The following CCSER1 variants were observed in gnomAD, a reference collection of about 807,000 sequenced individuals.
CCSER1 encodes the protein coiled-coil serine rich protein 1, also known as serine-rich coiled-coil domain-containing protein 1.
In CCSER1, 41 loss-of-function variants were observed where a neutral mutation model predicts 82.0. The observed-to-expected ratio is 0.50, with a 90% CI of 0.39 to 0.65. The LOEUF (loss-of-function observed/expected upper bound fraction) is 0.65, where lower values mean the gene tolerates loss of function less well. Ranked by LOEUF, CCSER1 falls within the 30% of genes least tolerant of loss-of-function variation. CCSER1 has a pLI of 0.00. For synonymous variants in CCSER1, 414 were observed against 383.9 expected (o/e 1.08, Z -0.92); for missense variants, 1,119 against 1,064.2 (o/e 1.05, Z -0.72).
At chr4:91,152,305 C>T (rs1730300212) in intron 10 of CCSER1, among the ~76,000 whole-genome samples, 1 of 151,956 alleles carries the variant, frequency 6.6e-6, no homozygotes, top group Admixed American at 6.6e-5. Context: ...ACCCCTGCTC[C>T]CCTTTGTTTT....
chr4:90,479,436 T>A (rs914971780), intron 5 of CCSER1, among the ~76,000 whole-genome samples: 9 of 152,168 alleles, frequency 5.9e-5, no homozygotes, highest in African/African-American at 1.9e-4. Flanking sequence ...TGTGCAGGTT[T>A]GTTACATATA....
intron 9 of CCSER1, among the ~76,000 whole-genome samples, chr4:90,957,525 ATATAT>A (rs1272475305): frequency 8.0e-6 from 1 of 124,402 alleles, no homozygotes; most frequent in African/African-American, 3.0e-5. Flanking sequence ...ACATAATATC[ATATAT>A]TATATATATT....
At chr4:91,515,873 T>A (rs888751027) in intron 10 of CCSER1, among the ~76,000 whole-genome samples, 2 of 151,952 alleles carry the variant, frequency 1.3e-5, no homozygotes, top group African/African-American at 4.8e-5. Flanking sequence ...CTTTTTTTTT[T>A]TTTTTTTTGA....
chr4:90,715,960 T>TA (rs1741560645), intron 6 of CCSER1, among the ~76,000 whole-genome samples: 1 of 151,726 alleles, frequency 6.6e-6, no homozygotes, highest in Admixed American at 6.6e-5. Context: ...AATATACCCA[T>TA]AAAATGTAAT....
chr4:91,551,700 C>CACACAA (rs1491222711), intron 10 of CCSER1, among the ~76,000 whole-genome samples: 1 of 139,226 alleles, frequency 7.2e-6, no homozygotes, highest in African/African-American at 2.7e-5. Context: ...CACACACACA[C>CACACAA]AATCAGTCAA....
chr4:91,404,509 T>C lies in CCSER1; in HGVS notation c.2218-194063T>C, dbSNP rs181224624. Among the ~76,000 whole-genome samples, 455 of 152,332 alleles carry C rather than the reference T, an allele frequency of 3.0e-3. 1 individual carries two copies. The highest frequency in any genetic ancestry group is 0.01 in the African/African-American group (428 of 41,588). On this transcript the variant is annotated intron_variant, in intron 10 of 10. Coordinates refer to ENST00000509176, the MANE Select transcript of CCSER1 (RefSeq NM_001145065.2). The stretch of plus-strand genomic sequence containing the variant: ...TGTTAGGGTGTCAATTTTAGATCTT[T>C]CCTGCTTCTCTTGTGGGCATTAAGT...
intron 1 of CCSER1, among the ~76,000 whole-genome samples, chr4:90,260,634 G>A (rs1467453624): frequency 6.6e-6 from 1 of 152,108 alleles, no homozygotes; most frequent in Non-Finnish European, 1.5e-5. Flanking sequence ...TTGACCTTGA[G>A]TTTATGTGAA....
rs374276878 is a variant in CCSER1, at chr4:91,226,341, T to C, written c.2217+140347T>C. Among the ~76,000 whole-genome samples, 61 of 152,068 alleles carry C rather than the reference T, an allele frequency of 4.0e-4. No individual in the cohort carries two copies. In the South Asian group the frequency reaches 8.1e-3, roughly 20 times the overall value. The stretch of plus-strand genomic sequence containing the variant: ...TTGGTGTTTATTACATTTGAATTTC[T>C]AAGATACTTATTTGTGCAACACAGC... On this transcript the variant is annotated intron_variant, in intron 10 of 10. Coordinates refer to ENST00000509176, the MANE Select transcript of CCSER1 (RefSeq NM_001145065.2).
At chr4:90,850,351 C>T (rs1272894839) in intron 8 of CCSER1, among the ~76,000 whole-genome samples, 1 of 152,204 alleles carries the variant, frequency 6.6e-6, no homozygotes, top group East Asian at 1.9e-4. Context: ...CCACCATATT[C>T]TGGATCCCAG....
intron 10 of CCSER1, among the ~76,000 whole-genome samples, chr4:91,534,704 T>TA (rs1355005717): frequency 3.3e-5 from 5 of 152,006 alleles, no homozygotes; most frequent in African/African-American, 1.2e-4. Context: ...ATTCAATTTT[T>TA]ATGTGTGATT....
intron 10 of CCSER1, among the ~76,000 whole-genome samples, chr4:91,238,346 AC>A (rs551478579): frequency 3.2e-4 from 49 of 152,074 alleles, no homozygotes; most frequent in Non-Finnish European, 7.4e-5. Flanking sequence ...AGAAATGGGG[AC>A]CTCAGTCATG....
At chr4:90,782,207 A>G (rs1753868617) in intron 7 of CCSER1, among the ~76,000 whole-genome samples, 1 of 152,204 alleles carries the variant, frequency 6.6e-6, no homozygotes, top group African/African-American at 2.4e-5. Flanking sequence ...GATGGAATAT[A>G]TTTGTGGGCA....
intron 9 of CCSER1, among the ~76,000 whole-genome samples, chr4:90,932,970 GAAAGAAAGAAAGAGAA>G (rs1730187131): frequency 1.0e-3 from 33 of 31,902 alleles, no homozygotes; most frequent in Middle Eastern, 8.5e-3. Flanking sequence ...AAGAAAGAAA[GAAAGAAAGAAAGAGAA>G]AGAAAGAAAG....
chr4:90,594,892 A>C (rs1250342833), intron 5 of CCSER1, among the ~76,000 whole-genome samples: 1 of 152,074 alleles, frequency 6.6e-6, no homozygotes, highest in African/African-American at 2.4e-5. Flanking sequence ...GGAAAGCAAC[A>C]AAAACTCTTT....
In CCSER1 at chr4:90,933,022, A is replaced by AAGAAAGAAAGAAAGAAAG. The variant is rs1730339957; in HGVS notation, c.2172+9577_2172+9594dup. ...AAAGAAAGAAAGAAAGAAAGAAAGA[A>AAGAAAGAAAGAAAGAAAG]AGAAAGAAAGAAAGAAAGAAAGAGA... On this transcript the variant is annotated intron_variant, in intron 9 of 10. Coordinates refer to ENST00000509176, the MANE Select transcript of CCSER1 (RefSeq NM_001145065.2). Among the ~76,000 whole-genome samples the AAGAAAGAAAGAAAGAAAG allele has an allele frequency of 2.1e-5, 2 of 95,518 alleles. 1 individual carries two copies. Among genetic ancestry groups the AAGAAAGAAAGAAAGAAAG allele is most frequent in the African/African-American group, 1.1e-4 (2 of 18,078 alleles). The allele number at this position is 95,518 out of a possible 152,430, so 62.7% of individuals were successfully genotyped here.
chr4:90,357,224 G>A (rs1744533515), intron 3 of CCSER1, among the ~76,000 whole-genome samples: 1 of 151,864 alleles, frequency 6.6e-6, no homozygotes, highest in Admixed American at 6.6e-5. Context: ...TATTATGCAT[G>A]TTTATCATAG....
At chr4:90,136,327 G>A (rs1297117447) in intron 1 of CCSER1, among the ~76,000 whole-genome samples, 4 of 151,970 alleles carry the variant, frequency 2.6e-5, no homozygotes, top group Non-Finnish European at 5.9e-5. Context: ...ATTCCAGCTT[G>A]GGCAACAGCA....
intron 10 of CCSER1, among the ~76,000 whole-genome samples, chr4:91,341,058 C>A (rs1747688912): frequency 6.6e-6 from 1 of 152,108 alleles, no homozygotes; most frequent in Non-Finnish European, 1.5e-5. Context: ...AGTAGCATGG[C>A]AAATTTGCTG....
In CCSER1 at chr4:91,299,388, C is replaced by A. The variant is rs567526707; in HGVS notation, c.2217+213394C>A. On this transcript the variant is annotated intron_variant, in intron 10 of 10. Coordinates refer to ENST00000509176, the MANE Select transcript of CCSER1 (RefSeq NM_001145065.2). Reference sequence around the variant, plus strand: ...TTCATTTACTAAAGGCCCAACTATACCTTTTTGGTAGTCAAAATAATAATA... The same window carrying A: ...TTCATTTACTAAAGGCCCAACTATAACTTTTTGGTAGTCAAAATAATAATA... Among the ~76,000 whole-genome samples, 524 of 152,068 alleles carry A rather than the reference C, an allele frequency of 3.4e-3. 1 individual carries two copies. The highest frequency in any genetic ancestry group is 0.012 in the African/African-American group (491 of 41,516).
Sources: allele counts gnomAD v4.1 joint callset (sites outside exome capture counted in the v4.1 genomes callset), GRCh38; gene constraint gnomAD v4.1.1; transcripts MANE v1.5; gene names NCBI Gene and HGNC (gene_info 2026-07-23, HGNC 2026-07-21).